ANO5: variants seen among roughly 807,000 people sequenced by gnomAD.
ANO5 encodes the protein anoctamin-5.
Under a neutral mutation model 121.0 loss-of-function variants are expected in ANO5, and 109 were observed. The observed-to-expected ratio is 0.90, with a 90% confidence interval of 0.77 to 1.06. ANO5 has a LOEUF of 1.06. ANO5 is among the 50% of genes least tolerant of loss of function. ANO5 has a pLI of 0.00. For missense variants in ANO5, 1,064 were observed against 1,078.5 expected, an observed-to-expected ratio of 0.99 and a Z score of 0.19; for synonymous variants, 406 against 359.9, an observed-to-expected ratio of 1.13 and a Z score of -1.45.
intron 2 of ANO5, among the ~76,000 whole-genome samples, chr11:22,208,163 T>C (rs912587813): frequency 2.0e-5 from 3 of 152,042 alleles, no homozygotes; most frequent in African/African-American, 7.2e-5. Context: ...GTAAGTTGGG[T>C]AATCATACTC....
In ANO5 at chr11:22,270,356, C is replaced by T; in HGVS notation, c.1943C>T (p.Ser648Phe). 6.2e-7 allele frequency: 1 copy of T among 1,614,134 alleles called. No individual in the cohort carries two copies. Among genetic ancestry groups the T allele is most frequent in the Non-Finnish European group, 8.5e-7 (1 of 1,180,010 alleles). The change falls in exon 18 of 22, where the codon TCT becomes TTT. Residue 648 changes from serine (S) to phenylalanine (F), a missense_variant. Physicochemically the swap from Ser to Phe is radical, Grantham distance 155 (BLOSUM62 -2). Coordinates refer to ENST00000324559, the MANE Select transcript of ANO5 (RefSeq NM_213599.3). ...WWRRRKARTNSEKLYSRWEQD... is the reference protein window; with the variant it reads ...WWRRRKARTNFEKLYSRWEQD... ...AGACGCCGAAAAGCTCGGACAAACT[C>T]TGAGAAGCTGTATAGTCGATGGGAG...
Position 22,211,705 on chromosome 11 carries a change from A to G in ANO5, c.138+391A>G, listed in dbSNP as rs569888372. 5.3e-5 allele frequency among the ~76,000 whole-genome samples: 8 copies of G among 152,050 alleles called. No individual in the cohort carries two copies. In the East Asian group the frequency reaches 1.4e-3, roughly 26 times the overall value. On this transcript the variant is annotated intron_variant, in intron 3 of 21. Coordinates refer to ENST00000324559, the MANE Select transcript of ANO5 (RefSeq NM_213599.3). ...CATCACTCTTCTTGTCTTTAAGTAC[A>G]TGCCTGAGGATAATCATGAAAAAGT... is the stretch of plus-strand genomic sequence containing the variant.
chr11:22,250,324 A>T lies in ANO5; in HGVS notation c.966A>T (p.Leu322Phe), dbSNP rs7481951. The change falls in exon 10 of 22, where the codon TTA (leucine) becomes TTT (phenylalanine). Residue 322 changes from leucine (L) to phenylalanine (F), a missense_variant. Leu to Phe is a conservative substitution (Grantham distance 22, BLOSUM62 0). Coordinates refer to ENST00000324559, the MANE Select transcript of ANO5 (RefSeq NM_213599.3). Reference sequence around the variant, plus strand: ...TATTCTTTGCAGCTGTAGTTGGCTTAGCTTGTTTTATTTATGGCTTATTAT... The same window carrying T: ...TATTCTTTGCAGCTGTAGTTGGCTTTGCTTGTTTTATTTATGGCTTATTAT... ...EMLFFAAVVGLACFIYGLLSM... is the reference protein window; with the variant it reads ...EMLFFAAVVGFACFIYGLLSM... The T allele has an allele frequency of 0.54, 870,788 of 1,612,376 alleles. 247,717 individuals carry two copies. The highest frequency in any genetic ancestry group is 0.59 in the Non-Finnish European group (693,569 of 1,178,928).
chr11:22,269,647 T>G (rs560192907), intron 17 of ANO5, among the ~76,000 whole-genome samples: 2 of 152,162 alleles, frequency 1.3e-5, no homozygotes, highest in Admixed American at 6.5e-5. Context: ...TGAAATAATT[T>G]TTTTCTATTT....
chr11:22,199,877 A>G (rs1424807960), intron 1 of ANO5, among the ~76,000 whole-genome samples: 4 of 152,150 alleles, frequency 2.6e-5, no homozygotes, highest in Non-Finnish European at 5.9e-5. Context: ...CCCAAATTCA[A>G]CGAATAATAG....
intron 2 of ANO5, among the ~76,000 whole-genome samples, chr11:22,206,267 G>T (rs930235906): frequency 5.3e-5 from 8 of 151,956 alleles, no homozygotes; most frequent in Admixed American, 2.0e-4. Flanking sequence ...AAATAATTAT[G>T]CAACATGGCC....
intron 17 of ANO5, among the ~76,000 whole-genome samples, chr11:22,269,070 A>G (rs115842169): frequency 0.013 from 1,912 of 149,570 alleles, 62 homozygotes; most frequent in African/African-American, 0.045. Flanking sequence ...AAAAGGAAAG[A>G]AGGAGGGAAG....
rs754862014 is a variant in ANO5 at position 22,227,387 on chromosome 11, A to G, written c.449A>G (p.Lys150Arg). The change falls in exon 7 of 22, where the codon AAA becomes AGA. Residue 150 changes from lysine (K) to arginine (R), a missense_variant. Physicochemically the swap from Lys to Arg is conservative, Grantham distance 26. Coordinates refer to ENST00000324559, the MANE Select transcript of ANO5 (RefSeq NM_213599.3). ...LVTYAEVLGI[K>R]MPIKESDIPR... The stretch of plus-strand genomic sequence containing the variant: ...ACCTATGCTGAAGTCTTGGGAATCA[A>G]AATGCCTATTAAGGAGAGTGATATT... 5.6e-6 allele frequency: 9 copies of G among 1,613,422 alleles called. No homozygotes were observed. Among genetic ancestry groups the G allele is most frequent in the Non-Finnish European group, 6.8e-6 (8 of 1,179,788 alleles).
At chr11:22,271,950 G>C (rs563773716) in intron 18 of ANO5, among the ~76,000 whole-genome samples, 3 of 152,238 alleles carry the variant, frequency 2.0e-5, no homozygotes, top group African/African-American at 7.2e-5. Context: ...GACGGATTCA[G>C]TCAGATGAGA....
chr11:22,222,741 C>A (rs1852695387), intron 5 of ANO5, among the ~76,000 whole-genome samples: 1 of 143,770 alleles, frequency 7.0e-6, no homozygotes, highest in South Asian at 2.1e-4. Flanking sequence ...CTACTAAATG[C>A]CAGCACACAT....
chr11:22,210,074 T>C (rs555732860), intron 2 of ANO5, among the ~76,000 whole-genome samples: 1 of 152,126 alleles, frequency 6.6e-6, no homozygotes, highest in South Asian at 2.1e-4. Context: ...GCTAGTGGAA[T>C]TCATTCAAGG....
chr11:22,270,883 G>A (rs192069513), intron 18 of ANO5, among the ~76,000 whole-genome samples: 5 of 152,106 alleles, frequency 3.3e-5, no homozygotes, highest in African/African-American at 2.4e-5. Flanking sequence ...GGCTAAAAGC[G>A]ATTGTGTAAG....
At chr11:22,227,749 T>C (rs1349546023) in intron 7 of ANO5, among the ~76,000 whole-genome samples, 163 bp downstream of exon 7, 3 of 152,114 alleles carry the variant, frequency 2.0e-5, no homozygotes, top group Admixed American at 2.0e-4. Context: ...TTAGACCACA[T>C]AAACGTATTA....
chr11:22,261,323 C>T (rs1213485467), intron 15 of ANO5: 1 of 152,166 alleles, frequency 6.6e-6, no homozygotes, highest in East Asian at 1.9e-4. Context: ...TTTCATAAGG[C>T]AGCAGGAGAG....
intron 9 of ANO5, among the ~76,000 whole-genome samples, chr11:22,243,872 A>G (rs1441474513): frequency 6.6e-6 from 1 of 152,150 alleles, no homozygotes; most frequent in Admixed American, 6.6e-5. Context: ...ACTTGGTTTC[A>G]TTGATCTTGT....
At chr11:22,255,288 G>T in intron 12 of ANO5, 83 bp from the exon 13 acceptor site, 1 of 1,148,190 alleles carries the variant, frequency 8.7e-7, no homozygotes, top group Non-Finnish European at 1.2e-6. Context: ...GAACCATCCT[G>T]CAACCAAAGT....
At chr11:22,234,851 C>A (rs757451810) in intron 7 of ANO5, among the ~76,000 whole-genome samples, 40 of 152,038 alleles carry the variant, frequency 2.6e-4, no homozygotes, top group Non-Finnish European at 4.6e-4. Context: ...CCCATTGATC[C>A]ATCAGAACAA....
chr11:22,259,291 T>C (rs778048443), intron 14 of ANO5, among the ~76,000 whole-genome samples: 1 of 152,182 alleles, frequency 6.6e-6, no homozygotes, highest in Non-Finnish European at 1.5e-5. Context: ...AATACGTTTC[T>C]CTTTTAGACT....
rs1255665714 is a variant in ANO5, at chr11:22,281,638, T to G, written c.*1873T>G. The G allele has an allele frequency of 2.4e-5, 3 of 124,392 alleles. No homozygotes were observed. In the Admixed American group the frequency reaches 2.5e-4, roughly 11 times the overall value. The allele number at this position is 124,392 out of a possible 1,614,324, so 7.7% of individuals were successfully genotyped here. ...CACACAGCTCATATTGCTTCCTTCCTGGGTGCTGATAAAAATAAGAAAGAG... is the reference window on the plus strand; with the variant it reads ...CACACAGCTCATATTGCTTCCTTCCGGGGTGCTGATAAAAATAAGAAAGAG... On this transcript the variant is annotated 3_prime_UTR_variant, in exon 22 of 22. Coordinates refer to ENST00000324559, the MANE Select transcript of ANO5 (RefSeq NM_213599.3).
Sources: gnomAD v4.1 joint callset for allele counts (sites outside exome capture counted in the v4.1 genomes callset) on GRCh38, gnomAD v4.1.1 for gene constraint, MANE v1.5 for transcripts, NCBI Gene and HGNC (gene_info 2026-07-23, HGNC 2026-07-21) for gene names.